Variants in NRG3 observed in about 807,000 individuals in gnomAD.
NRG3 encodes the protein pro-neuregulin-3, membrane-bound isoform.
In NRG3, 31 loss-of-function variants were observed where a neutral mutation model predicts 66.9. The observed-to-expected ratio is 0.46, with a 90% CI of 0.35 to 0.63. The LOEUF is 0.63. Among genes scored for constraint, NRG3 ranks in the 20% least tolerant of loss-of-function variants. The pLI is 0.00. For synonymous variants in NRG3, 393 were observed against 359.4 expected (o/e 1.09, Z -1.06); for missense variants, 910 against 878.9 (o/e 1.04, Z -0.45).
At chr10:82,959,203 T>G in intron 6 of NRG3, 128 bp downstream of exon 6, 1 of 1,081,178 alleles carries the variant, frequency 9.2e-7, no homozygotes, top group Non-Finnish European at 1.3e-6. Flanking sequence ...TTAAATCGTT[T>G]TAACAGTTCT....
chr10:82,021,302 G>T (rs1381338142), intron 1 of NRG3, among the ~76,000 whole-genome samples: 1 of 151,894 alleles, frequency 6.6e-6, no homozygotes, highest in Non-Finnish European at 1.5e-5. Flanking sequence ...TGATTTTTAG[G>T]TACTTTTTAT....
At chr10:82,426,592 A>G (rs932818749) in intron 2 of NRG3, among the ~76,000 whole-genome samples, 2 of 137,830 alleles carry the variant, frequency 1.5e-5, no homozygotes, top group African/African-American at 5.4e-5. Context: ...GAAAGTCCTC[A>G]ATGGAATTAT....
rs2058756779 is a variant in NRG3, at chr10:82,749,107, A to G, written c.1027+10457A>G. ...CTGTGTAAAACTTGAGGGCTTGGAG[A>G]GAGGAGGGTTTTATTTAGTTTTGTC... is the stretch of plus-strand genomic sequence containing the variant. On this transcript the variant is annotated intron_variant, in intron 3 of 8. Transcript: ENST00000372141. Among the ~76,000 whole-genome samples the G allele has an allele frequency of 5.3e-5, 8 of 151,974 alleles. No individual in the cohort carries two copies. In the South Asian group the frequency reaches 1.7e-3, roughly 32 times the overall value.
intron 1 of NRG3, among the ~76,000 whole-genome samples, chr10:82,072,839 T>C (rs528460686): frequency 1.7e-3 from 263 of 152,268 alleles, no homozygotes; most frequent in African/African-American, 6.1e-3. Flanking sequence ...CAATTATGGC[T>C]CACTGCAGCC....
At chr10:82,825,456 A>G (rs923153718) in intron 3 of NRG3, among the ~76,000 whole-genome samples, 3 of 152,312 alleles carry the variant, frequency 2.0e-5, no homozygotes, top group Non-Finnish European at 2.9e-5. Context: ...TTCTAGAATC[A>G]GACAGATTAT....
chr10:82,258,511 A>G (rs1254578435), intron 1 of NRG3, among the ~76,000 whole-genome samples: 2 of 152,336 alleles, frequency 1.3e-5, no homozygotes, highest in East Asian at 1.9e-4. Flanking sequence ...ATGGATTTTC[A>G]TGACACAGAC....
chr10:82,260,914 C>A (rs1452633656), intron 1 of NRG3, among the ~76,000 whole-genome samples: 1 of 152,136 alleles, frequency 6.6e-6, no homozygotes, highest in African/African-American at 2.4e-5. Context: ...TCCTCAAAAT[C>A]TCATGTTGAA....
At chr10:82,085,802 A>T (rs2065686938) in intron 1 of NRG3, among the ~76,000 whole-genome samples, 2 of 151,902 alleles carry the variant, frequency 1.3e-5, no homozygotes, top group Non-Finnish European at 2.9e-5. Context: ...AGGCCCGGCT[A>T]ATTTTTTTGT....
At chr10:82,339,881 G>T (rs1382465199) in intron 1 of NRG3, among the ~76,000 whole-genome samples, 16 of 151,934 alleles carry the variant, frequency 1.1e-4, no homozygotes, top group Non-Finnish European at 1.6e-4. Flanking sequence ...CTGTCGTGCA[G>T]CTATCAATAT....
At chr10:82,886,259 GTGTCTTCTTTTCATA>G (rs1212129020) in intron 4 of NRG3, among the ~76,000 whole-genome samples, 2 of 151,862 alleles carry the variant, frequency 1.3e-5, no homozygotes, top group East Asian at 3.9e-4. Context: ...CTCCTATTAT[GTGTCTTCTTTTCATA>G]TGCCCTCAAT....
At chr10:81,926,187 G>A (rs1348030947) in intron 1 of NRG3, among the ~76,000 whole-genome samples, 1 of 151,960 alleles carries the variant, frequency 6.6e-6, no homozygotes, top group Admixed American at 6.6e-5. Context: ...GCACAATCTC[G>A]GCTCACTGCA....
rs116510642 is a variant in NRG3, at chr10:82,155,213, C to T, written c.824-203526C>T. On this transcript the variant is annotated intron_variant, in intron 1 of 8. Transcript: ENST00000372141. ...TTTCCCAATCAGAGCACGTTTTCAC[C>T]TGTGCTCTTTAAATTGCTTTCAATG... Among the ~76,000 whole-genome samples the T allele has an allele frequency of 3.8e-3, 579 of 151,810 alleles. 6 individuals carry two copies. Among genetic ancestry groups the T allele is most frequent in the African/African-American group, 0.013 (545 of 41,530 alleles).
chr10:81,913,465 C>G (rs1333511150), intron 1 of NRG3, among the ~76,000 whole-genome samples: 1 of 151,596 alleles, frequency 6.6e-6, no homozygotes, highest in Non-Finnish European at 1.5e-5. Context: ...ACTCTGCTTT[C>G]CAGGCTGGAG....
chr10:82,099,175 A>C (rs1218029064), intron 1 of NRG3, among the ~76,000 whole-genome samples: 1 of 152,146 alleles, frequency 6.6e-6, no homozygotes, highest in Non-Finnish European at 1.5e-5. Flanking sequence ...TGCCTAACTT[A>C]CTGTAGGTCA....
At chr10:82,758,365 A>G (rs1189834107) in intron 3 of NRG3, among the ~76,000 whole-genome samples, 2 of 152,260 alleles carry the variant, frequency 1.3e-5, no homozygotes, top group East Asian at 3.9e-4. Flanking sequence ...AAATGACCAG[A>G]TCAGCATCTA....
intron 2 of NRG3, among the ~76,000 whole-genome samples, chr10:82,604,258 G>T (rs1180544908): frequency 6.6e-5 from 10 of 151,954 alleles, no homozygotes; most frequent in South Asian, 4.2e-4. Context: ...CATAGTTTTG[G>T]TTTTTTCCAG....
chr10:82,646,183 C>T (rs2050917659), intron 2 of NRG3, among the ~76,000 whole-genome samples: 1 of 152,092 alleles, frequency 6.6e-6, no homozygotes, highest in East Asian at 1.9e-4. Flanking sequence ...TCTATTATGC[C>T]CTTTGAGAAA....
In NRG3 at chr10:82,966,438, T is replaced by A. The variant is rs541103435; in HGVS notation, c.1285-7350T>A. On this transcript the variant is annotated intron_variant, in intron 6 of 8. Coordinates refer to ENST00000372141, the MANE Select transcript of NRG3 (RefSeq NM_001010848.4). ...GGGTTTACTGGTTTTCTGTAGAAATTTTTAAAGTGCCATTTTTATTATGTC... is the reference window on the plus strand; with the variant it reads ...GGGTTTACTGGTTTTCTGTAGAAATATTTAAAGTGCCATTTTTATTATGTC... Among the ~76,000 whole-genome samples, 10 of 152,320 alleles carry A rather than the reference T, an allele frequency of 6.6e-5. No individual in the cohort carries two copies. The South Asian group carries it at 2.1e-3, about 32-fold the overall frequency.
chr10:82,509,174 T>G (rs747134030), intron 2 of NRG3, among the ~76,000 whole-genome samples: 26 of 152,086 alleles, frequency 1.7e-4, no homozygotes, highest in Non-Finnish European at 2.9e-4. Context: ...GTCTAACTAG[T>G]TTTCTTCTCC....
Sources: allele counts gnomAD v4.1 joint callset (sites outside exome capture counted in the v4.1 genomes callset), GRCh38; gene constraint gnomAD v4.1.1; transcripts MANE v1.5; gene names NCBI Gene and HGNC (gene_info 2026-07-23, HGNC 2026-07-21).